HUWE1: variants seen among roughly 807,000 people sequenced by gnomAD.
The protein encoded by HUWE1 is HECT, UBA and WWE domain containing E3 ubiquitin protein ligase 1, also known as E3 ubiquitin-protein ligase HUWE1.
HUWE1 carries 18 observed loss-of-function variants against 299.4 expected under a neutral mutation model. The ratio of observed to expected loss-of-function variants is 0.06; its 90% CI spans 0.04 to 0.09. The LOEUF is 0.09. Ranked by LOEUF, HUWE1 falls within the 10% of genes least tolerant of loss-of-function variation. The pLI, the probability that HUWE1 is intolerant of heterozygous loss-of-function variation, is 1.00. For synonymous variants in HUWE1, 1,317 were observed against 1,286.1 expected, an observed-to-expected ratio of 1.02 and a Z score of -0.51; for missense variants, 1,832 against 3,462.3, an observed-to-expected ratio of 0.53 and a Z score of 11.82.
chrX:53,671,791 C>CAAAAAAA (rs60356592), intron 3 of HUWE1, among the ~76,000 whole-genome samples: 4 of 28,550 alleles, frequency 1.4e-4, no homozygotes, highest in Admixed American at 6.0e-4. Context: ...GACTCCGTCT[C>CAAAAAAA]AAAAAAAAAA....
At chrX:53,650,608 A>G (rs781990833) in intron 4 of HUWE1, among the ~76,000 whole-genome samples, 1 of 112,639 alleles carries the variant, frequency 8.9e-6, no homozygotes, top group Non-Finnish European at 1.9e-5. Flanking sequence ...TGCCAGTTCG[A>G]TAGCTCAATA....
Position 53,546,964 on chromosome X carries a change from G to C in HUWE1, c.10637-139C>G. 6.5e-6 allele frequency: 5 copies of C among 768,469 alleles called. No homozygotes were observed. In the South Asian group the frequency reaches 1.2e-4, roughly 18 times the overall value. 63.3% of individuals were successfully genotyped at this position (768,469 alleles called of 1,213,427 possible). On this transcript the variant is annotated intron_variant, in intron 68 of 83. Transcript: ENST00000262854. ...TGAAAAAGAAAACCCACCCACCAAA[G>C]GCAAATCTAAATGACTTGGGATGAT...
At chrX:53,586,642 T>G in intron 38 of HUWE1, 71 bp from the exon 39 acceptor site, 1 of 1,063,936 alleles carries the variant, frequency 9.4e-7, no homozygotes, top group Non-Finnish European at 1.3e-6. Context: ...TATCTTAATT[T>G]CATCAGATGC....
intron 63 of HUWE1, 74 bp from the exon 64 acceptor site, chrX:53,551,554 C>A (rs2061764065): frequency 1.0e-6 from 1 of 960,054 alleles, no homozygotes; most frequent in Non-Finnish European, 1.4e-6. Context: ...GTCTGTTGCC[C>A]AGGCTGGAGT....
Position 53,548,394 on chromosome X carries a change from GAT to G in HUWE1, c.10036-123_10036-122del, listed in dbSNP as rs1436615207. ...CAGACAATTTTGGTAAATATTGGGG[GAT>G]ATGTCATATAAGAGTTTTATCCAAC... is the stretch of plus-strand genomic sequence containing the variant. On this transcript the variant is annotated intron_variant, in intron 67 of 83. Transcript: ENST00000262854. 10 of 822,199 alleles carry G rather than the reference GAT, an allele frequency of 1.2e-5. No homozygotes were observed. The East Asian group carries it at 2.4e-4, about 20-fold the overall frequency. 67.8% of individuals were successfully genotyped at this position (822,199 alleles called of 1,213,427 possible). A position where few individuals can be genotyped will look rare whatever the true frequency, so the allele number is the denominator to read the frequency against.
At chrX:53,538,046 C>T (rs2061144084) in intron 77 of HUWE1, among the ~76,000 whole-genome samples, 1 of 111,734 alleles carries the variant, frequency 8.9e-6, no homozygotes, top group African/African-American at 3.3e-5. Flanking sequence ...TCTATGGCCA[C>T]CTGTGCCTCC....
In HUWE1 at chrX:53,542,551, G is replaced by A. The variant is rs370877392; in HGVS notation, c.11380-12C>T. The A allele has an allele frequency of 9.8e-6, 11 of 1,124,621 alleles. No homozygotes were observed. The highest frequency in any genetic ancestry group is 3.6e-5 in the South Asian group (2 of 54,906). The allele number at this position is 1,124,621 out of a possible 1,213,427, so 92.7% of individuals were successfully genotyped here. A position where few individuals can be genotyped will look rare whatever the true frequency, so the allele number is the denominator to read the frequency against. ...TGGCTAGACTCCGACTGGATAAAAG[G>A]GAGACAAAAATCACATAAGGGTGCA... is the stretch of plus-strand genomic sequence containing the variant. On this transcript the variant is annotated splice_polypyrimidine_tract_variant and intron_variant, in intron 73 of 83. Coordinates refer to ENST00000262854, the MANE Select transcript of HUWE1 (RefSeq NM_031407.7).
chrX:53,561,273 G>A (rs2062274415), intron 55 of HUWE1, among the ~76,000 whole-genome samples: 1 of 112,120 alleles, frequency 8.9e-6, no homozygotes, highest in Non-Finnish European at 1.9e-5. Flanking sequence ...AAGTTTCACG[G>A]TGATGGGGGA....
intron 19 of HUWE1, among the ~76,000 whole-genome samples, chrX:53,620,082 T>C (rs1278557968): frequency 2.7e-5 from 3 of 111,089 alleles, no homozygotes; most frequent in African/African-American, 9.8e-5. Flanking sequence ...ACAGACCCAT[T>C]CTTGGCTTAT....
chrX:53,579,563 G>A (rs1185236146), intron 43 of HUWE1, among the ~76,000 whole-genome samples: 10 of 108,789 alleles, frequency 9.2e-5, no homozygotes, highest in African/African-American at 2.7e-4. Context: ...CTGTGTGGAT[G>A]GAAGTAGACA....
At chrX:53,618,911 G>T (rs1172640570) in intron 19 of HUWE1, among the ~76,000 whole-genome samples, 2 of 110,349 alleles carry the variant, frequency 1.8e-5, no homozygotes, top group Non-Finnish European at 3.8e-5. Flanking sequence ...TAATAGAGAG[G>T]CACCAAGCCA....
intron 68 of HUWE1, among the ~76,000 whole-genome samples, chrX:53,547,415 C>T (rs1467873693): frequency 9.0e-6 from 1 of 111,598 alleles, no homozygotes; most frequent in Non-Finnish European, 1.9e-5. Flanking sequence ...CAGTGAATGC[C>T]TGCTGACCTT....
intron 31 of HUWE1, 89 bp downstream of exon 31, chrX:53,594,410 T>C: frequency 2.1e-6 from 2 of 957,165 alleles, no homozygotes; most frequent in Non-Finnish European, 1.5e-6. Flanking sequence ...TGTTACAAGA[T>C]AGGGTACTTA....
At chrX:53,572,089 G>C (rs2062857825) in intron 47 of HUWE1, among the ~76,000 whole-genome samples, 1 of 111,753 alleles carries the variant, frequency 8.9e-6, no homozygotes, top group African/African-American at 3.3e-5. Flanking sequence ...TATTTGTTTT[G>C]GTACATGGTA....
chrX:53,536,909 T>C (rs1477688900), intron 78 of HUWE1, among the ~76,000 whole-genome samples: 1 of 111,478 alleles, frequency 9.0e-6, no homozygotes, highest in Non-Finnish European at 1.9e-5. Flanking sequence ...AAAACACCAA[T>C]AGGAAAGGTA....
At chrX:53,658,871 AAAC>A (rs1269335655) in intron 3 of HUWE1, among the ~76,000 whole-genome samples, 1 of 113,006 alleles carries the variant, frequency 8.8e-6, no homozygotes, top group Non-Finnish European at 1.9e-5. Flanking sequence ...AACAGTAAGA[AAAC>A]AAGCTGATTT....
chrX:53,627,877 G>A lies in HUWE1; in HGVS notation c.1245C>T (p.Val415=). Residue 415 remains valine, a splice_region_variant and synonymous_variant, in exon 16 of 84, where the codon GTC becomes GTT. Transcript: ENST00000262854. The stretch of plus-strand genomic sequence containing the variant: ...CCTGTTCATCGCCAAGAAACTTTAT[G>A]ACCTATCACGGAGAAAAAGAGGCAA... ...SCGMMEALLK[V]IKFLGDEQDQ... 1 of 1,208,279 alleles carries A rather than the reference G, an allele frequency of 8.3e-7. No individual in the cohort carries two copies. Among genetic ancestry groups the A allele is most frequent in the Non-Finnish European group, 1.1e-6 (1 of 892,768 alleles).
rs782459307 is a variant in HUWE1, at chrX:53,593,463, C to G, written c.3642G>C (p.Thr1214=). The stretch of plus-strand genomic sequence containing the variant: ...GCAGCGAATGTGGAGATTCAAGCAC[C>G]GTGGTGGGATTCACCATCTTCTCCA... ...MLVEKMVNPT[T]VLESPHSLPA... is the part of the protein sequence containing the mutation. Residue 1214 remains threonine, a synonymous_variant, in exon 32 of 84, where the codon ACG becomes ACC. Coordinates refer to ENST00000262854, the MANE Select transcript of HUWE1 (RefSeq NM_031407.7). 4.1e-6 allele frequency: 5 copies of G among 1,209,049 alleles called. No homozygotes were observed. The highest frequency in any genetic ancestry group is 5.6e-6 in the Non-Finnish European group (5 of 894,334).
At chrX:53,624,030 C>T (rs187290148) in intron 19 of HUWE1, among the ~76,000 whole-genome samples, 52 of 112,644 alleles carry the variant, frequency 4.6e-4, no homozygotes, top group Non-Finnish European at 8.3e-4. Flanking sequence ...ATTCAGCACC[C>T]AGAAAATAGG....
Sources: gnomAD v4.1 joint callset for allele counts (sites outside exome capture counted in the v4.1 genomes callset) on GRCh38, gnomAD v4.1.1 for gene constraint, MANE v1.5 for transcripts, NCBI Gene and HGNC (gene_info 2026-07-23, HGNC 2026-07-21) for gene names.